Variants in PCDHGB6 observed in about 807,000 individuals in gnomAD.
The protein encoded by PCDHGB6 is protocadherin gamma subfamily B, 6.
Under a neutral mutation model 59.1 loss-of-function variants are expected in PCDHGB6, and 51 were observed. That is an observed-to-expected ratio of 0.86 (90% CI 0.69 to 1.09). The LOEUF is 1.09. Among genes scored for constraint, PCDHGB6 ranks in the 50% least tolerant of loss-of-function variants. PCDHGB6 has a pLI of 0.00. For synonymous variants in PCDHGB6, 466 were observed against 495.1 expected, an observed-to-expected ratio of 0.94 and a Z score of 0.78; for missense variants, 1,148 against 1,205.1, an observed-to-expected ratio of 0.95 and a Z score of 0.70.
rs1185020546 is a variant in PCDHGB6, at chr5:141,485,472, C to A, written c.2419-9335C>A. 3 of 1,614,138 alleles carry A rather than the reference C, an allele frequency of 1.9e-6. No homozygotes were observed. Among genetic ancestry groups the A allele is most frequent in the Non-Finnish European group, 2.5e-6 (3 of 1,180,022 alleles). On this transcript the variant is annotated intron_variant, in intron 1 of 3. Transcript: ENST00000520790. The surrounding 1 kb of genome is among the most constrained non-coding windows in gnomAD (Gnocchi z 5.7). The stretch of plus-strand genomic sequence containing the variant: ...CGAGAGGCACTGTGTGGGCTCAGTG[C>A]CAGCTGCATCGTGCCCCTGGAGTTT...
At chr5:141,449,266 G>T (rs1398403120) in intron 1 of PCDHGB6, among the ~76,000 whole-genome samples, 1 of 152,042 alleles carries the variant, frequency 6.6e-6, no homozygotes, top group Non-Finnish European at 1.5e-5. Context: ...ACAAAGAACT[G>T]TATCTCCTTC....
intron 1 of PCDHGB6, among the ~76,000 whole-genome samples, chr5:141,445,415 C>A (rs1235584061): frequency 6.6e-6 from 1 of 152,140 alleles, no homozygotes; most frequent in Non-Finnish European, 1.5e-5. Context: ...TAACTGTCTG[C>A]TATATGCAAG....
rs1358954122 is a variant in PCDHGB6, at chr5:141,491,553, C to T, written c.2419-3254C>T. On this transcript the variant is annotated intron_variant, in intron 1 of 3. Coordinates refer to ENST00000520790, the MANE Select transcript of PCDHGB6 (RefSeq NM_018926.3). This position sits in a 1 kb window ranked among gnomAD's most constrained non-coding sequence, Gnocchi z 6.9. ...CGCTGCGGCCCACAGACTCGCAGAG[C>T]CACTGCTACAGGACGTGCTTTTCAC... The T allele has an allele frequency of 6.2e-7, 1 of 1,613,954 alleles. No homozygotes were observed.
chr5:141,456,327 G>C (rs917430790), intron 1 of PCDHGB6, among the ~76,000 whole-genome samples: 1 of 152,186 alleles, frequency 6.6e-6, no homozygotes, highest in African/African-American at 2.4e-5. Flanking sequence ...TCCTGGGGTT[G>C]ATCTAAGGGT....
chr5:141,408,686 A>G lies in PCDHGB6; in HGVS notation c.484A>G (p.Ile162Val), dbSNP rs2095150873. The change falls in exon 1 of 4, where the codon ATA becomes GTA. Residue 162 changes from isoleucine (I) to valine (V), a missense_variant. Physicochemically the swap from Ile to Val is conservative, Grantham distance 29 (BLOSUM62 3). Transcript: ENST00000520790. ...LSLDPATDPD[I>V]NINSIKDYKI... ...GCTTGACCCTGCCACGGATCCTGAT[A>G]TAAACATAAACTCAATTAAAGATTA... is the stretch of plus-strand genomic sequence containing the variant. 1 of 1,613,848 alleles carries G rather than the reference A, an allele frequency of 6.2e-7. No individual in the cohort carries two copies. Among genetic ancestry groups the G allele is most frequent in the Non-Finnish European group, 8.5e-7 (1 of 1,179,850 alleles).
Position 141,485,182 on chromosome 5 carries a change from C to A in PCDHGB6, c.2419-9625C>A. 6.2e-7 allele frequency: 1 copy of A among 1,613,070 alleles called. No individual in the cohort carries two copies. The highest frequency in any genetic ancestry group is 8.5e-7 in the Non-Finnish European group (1 of 1,179,154). On this transcript the variant is annotated intron_variant, in intron 1 of 3. Coordinates refer to ENST00000520790, the MANE Select transcript of PCDHGB6 (RefSeq NM_018926.3). This position sits in a 1 kb window ranked among gnomAD's most constrained non-coding sequence, Gnocchi z 5.7. ...ATTAGCGGGCGGCAGCAATGCTCCG[C>A]AAGGTGAGAAGCTGGACAGAAATCT...
In PCDHGB6 at chr5:141,423,089, G is replaced by C. The variant is rs201821221; in HGVS notation, c.2418+12469G>C. The stretch of plus-strand genomic sequence containing the variant: ...AGCGAGCCGGGACTCTTCGCGGTGG[G>C]GGAGCACACGGGCGAGGTGCGTACA... On this transcript the variant is annotated intron_variant, in intron 1 of 3. Transcript: ENST00000520790. 4.0e-5 allele frequency: 65 copies of C among 1,614,016 alleles called. No individual in the cohort carries two copies. In the African/African-American group the frequency reaches 7.2e-4, roughly 18 times the overall value.
At position 141,476,001 on chromosome 5, in the gene PCDHGB6, C is replaced by A. The variant is rs989369008; in HGVS notation, c.2419-18806C>A. On this transcript the variant is annotated intron_variant, in intron 1 of 3. Coordinates refer to ENST00000520790, the MANE Select transcript of PCDHGB6 (RefSeq NM_018926.3). This position sits in a 1 kb window ranked among gnomAD's most constrained non-coding sequence, Gnocchi z 7.6. ...CAGCCGGCGAGCAAATCAACGGCAT[C>A]CAGAAAGCCATGTCGGACTCGGCGC... The A allele has an allele frequency of 5.7e-5, 70 of 1,235,226 alleles. No homozygotes were observed. In the Middle Eastern group the frequency reaches 8.6e-4, roughly 15 times the overall value. The allele number at this position is 1,235,226 out of a possible 1,614,324, so 76.5% of individuals were successfully genotyped here. A position where few individuals can be genotyped will look rare whatever the true frequency, so the allele number is the denominator to read the frequency against.
chr5:141,430,930 G>A, intron 1 of PCDHGB6: 2 of 1,607,320 alleles, frequency 1.2e-6, no homozygotes, highest in Non-Finnish European at 1.7e-6. Context: ...TGGAGCCCCG[G>A]GAGCTCGCGG....
At position 141,409,225 on chromosome 5, in the gene PCDHGB6, C is replaced by T. The variant is rs781617309; in HGVS notation, c.1023C>T (p.Asn341=). 59 of 1,613,878 alleles carry T rather than the reference C, an allele frequency of 3.7e-5. 2 individuals carry two copies. The East Asian group carries it at 1.1e-3, about 30-fold the overall frequency. The change falls in exon 1 of 4, where the codon AAC becomes AAT. Residue 341 remains asparagine, a synonymous_variant. Coordinates refer to ENST00000520790, the MANE Select transcript of PCDHGB6 (RefSeq NM_018926.3). ...TAATCATAGAAATCCTTGATGAAAA[C>T]GACAACAGCCCAGAAATAATCATCA... ...CKVIIEILDE[N]DNSPEIIITS...
At chr5:141,481,860 G>A (rs1379910129) in intron 1 of PCDHGB6, among the ~76,000 whole-genome samples, 1 of 148,492 alleles carries the variant, frequency 6.7e-6, no homozygotes, top group Non-Finnish European at 1.5e-5. Context: ...GTTGCAGTGA[G>A]CCGAGATCGC....
In PCDHGB6 at chr5:141,476,853, A is replaced by G; in HGVS notation, c.2419-17954A>G. ...AATGACAATGCGCCTGTCTTCAACCAGTCCTTGTACCGGGCGCGCGTCCTG... is the reference window on the plus strand; with the variant it reads ...AATGACAATGCGCCTGTCTTCAACCGGTCCTTGTACCGGGCGCGCGTCCTG... On this transcript the variant is annotated intron_variant, in intron 1 of 3. Coordinates refer to ENST00000520790, the MANE Select transcript of PCDHGB6 (RefSeq NM_018926.3). This position sits in a 1 kb window ranked among gnomAD's most constrained non-coding sequence, Gnocchi z 7.6. The G allele has an allele frequency of 6.2e-7, 1 of 1,613,870 alleles. No individual in the cohort carries two copies. Among genetic ancestry groups the G allele is most frequent in the Non-Finnish European group, 8.5e-7 (1 of 1,180,042 alleles).
In PCDHGB6 at chr5:141,489,835, C is replaced by G; in HGVS notation, c.2419-4972C>G. On this transcript the variant is annotated intron_variant, in intron 1 of 3. Transcript: ENST00000520790. This position sits in a 1 kb window ranked among gnomAD's most constrained non-coding sequence, Gnocchi z 4.5. Reference sequence around the variant, plus strand: ...ATTCCCAGAGCTGGTGCTAGAGCAGCAGCTGGATCGTGAAGCCCAGGCAAG... The same window carrying G: ...ATTCCCAGAGCTGGTGCTAGAGCAGGAGCTGGATCGTGAAGCCCAGGCAAG... The G allele has an allele frequency of 6.2e-7, 1 of 1,614,164 alleles. No homozygotes were observed. Among genetic ancestry groups the G allele is most frequent in the Non-Finnish European group, 8.5e-7 (1 of 1,179,972 alleles).
chr5:141,491,537 C>T lies in PCDHGB6; in HGVS notation c.2419-3270C>T, dbSNP rs1330469043. The T allele has an allele frequency of 3.1e-6, 5 of 1,613,908 alleles. No homozygotes were observed. The highest frequency in any genetic ancestry group is 4.2e-6 in the Non-Finnish European group (5 of 1,180,020). On this transcript the variant is annotated intron_variant, in intron 1 of 3. Transcript: ENST00000520790. This position sits in a 1 kb window ranked among gnomAD's most constrained non-coding sequence, Gnocchi z 6.9. ...AAGTACATGGAGGTGACGCTGCGGC[C>T]CACAGACTCGCAGAGCCACTGCTAC...
At chr5:141,475,315 A>G (rs766425496) in intron 1 of PCDHGB6, among the ~76,000 whole-genome samples, 2 of 152,182 alleles carry the variant, frequency 1.3e-5, no homozygotes, top group Non-Finnish European at 2.9e-5. Flanking sequence ...CCTGGTTCTT[A>G]AGAAATGAGA....
chr5:141,423,456 C>T, intron 1 of PCDHGB6: 1 of 1,613,924 alleles, frequency 6.2e-7, no homozygotes, highest in Non-Finnish European at 8.5e-7. Context: ...ATTTTGTAGG[C>T]GTGGACGGGG....
At chr5:141,509,106 A>T (rs1159119530) in intron 3 of PCDHGB6, among the ~76,000 whole-genome samples, 1 of 152,102 alleles carries the variant, frequency 6.6e-6, no homozygotes, top group Non-Finnish European at 1.5e-5. Flanking sequence ...TAGAAACCTG[A>T]GCGCTGGTGC....
rs1157563397 is a variant in PCDHGB6 at position 141,409,901 on chromosome 5, C to T, written c.1699C>T (p.Leu567=). 6.2e-7 allele frequency: 1 copy of T among 1,613,264 alleles called. No individual in the cohort carries two copies. The highest frequency in any genetic ancestry group is 2.2e-5 in the East Asian group (1 of 44,870). ...CGCACCGCGGGTGCTGTACCCAGCT[C>T]TGGGTCCTGACGGCTCCGCGTTCTT... is the stretch of plus-strand genomic sequence containing the variant. The part of the protein sequence containing the change: ...DNAPRVLYPA[L]GPDGSAFFDM... Residue 567 remains leucine (L), a synonymous_variant, in exon 1 of 4, where the codon CTG becomes TTG. Transcript: ENST00000520790.
chr5:141,485,500 C>T lies in PCDHGB6; in HGVS notation c.2419-9307C>T. 1 of 1,614,142 alleles carries T rather than the reference C, an allele frequency of 6.2e-7. No homozygotes were observed. The highest frequency in any genetic ancestry group is 8.5e-7 in the Non-Finnish European group (1 of 1,180,038). ...GCTGCATCGTGCCCCTGGAGTTTGT[C>T]ACCGAAGGTCCTTTGGAAATGTACC... On this transcript the variant is annotated intron_variant, in intron 1 of 3. Coordinates refer to ENST00000520790, the MANE Select transcript of PCDHGB6 (RefSeq NM_018926.3). The surrounding 1 kb of genome is among the most constrained non-coding windows in gnomAD (Gnocchi z 5.7).
Sources: allele counts gnomAD v4.1 joint callset (sites outside exome capture counted in the v4.1 genomes callset), GRCh38; gene constraint gnomAD v4.1.1; non-coding constraint Gnocchi (gnomAD v3.1); transcripts MANE v1.5; gene names NCBI Gene and HGNC (gene_info 2026-07-23, HGNC 2026-07-21).